Variants in KMT2C observed in about 807,000 individuals in gnomAD.
The protein encoded by KMT2C is histone-lysine N-methyltransferase 2C.
A neutral mutation model predicts 507.9 loss-of-function variants in KMT2C; 88 were observed. That is an observed-to-expected ratio of 0.17 (90% CI 0.15 to 0.21). KMT2C has a LOEUF of 0.21. Ranked by LOEUF, KMT2C falls within the 10% of genes least tolerant of loss-of-function variation. KMT2C has a pLI of 1.00. For missense variants in KMT2C, 4,954 were observed against 5,957.8 expected, an observed-to-expected ratio of 0.83 and a Z score of 5.55; for synonymous variants, 2,049 against 2,080.8, an observed-to-expected ratio of 0.98 and a Z score of 0.42.
chr7:152,335,412 G>A (rs1475071679), intron 2 of KMT2C, among the ~76,000 whole-genome samples: 2 of 152,142 alleles, frequency 1.3e-5, no homozygotes, highest in African/African-American at 4.8e-5. Context: ...ACAAACTTAA[G>A]GAGGAATAAG....
chr7:152,368,179 G>T, intron 1 of KMT2C: 1 of 902,404 alleles, frequency 1.1e-6, no homozygotes, highest in South Asian at 1.3e-5. Context: ...AGTTGAAAAT[G>T]GTGAACATTG....
At position 152,181,482 on chromosome 7, in the gene KMT2C, T is replaced by C; in HGVS notation, c.6378A>G (p.Thr2126=). The change falls in exon 36 of 59, where the codon ACA becomes ACG. Residue 2126 remains threonine (T), a synonymous_variant. Transcript: ENST00000262189. The part of the protein sequence containing the change: ...FSQPGTISRP[T]SQDPYSQPPG... ...GGGGTTGGGAGTATGGGTCCTGAGATGTTGGCCTTGATATGGTTCCAGGCT... is the reference window on the plus strand; with the variant it reads ...GGGGTTGGGAGTATGGGTCCTGAGACGTTGGCCTTGATATGGTTCCAGGCT... 5 of 1,613,996 alleles carry C rather than the reference T, an allele frequency of 3.1e-6. No homozygotes were observed. The highest frequency in any genetic ancestry group is 2.2e-5 in the East Asian group (1 of 44,868).
At chr7:152,277,419 T>G (rs2129179730) in intron 6 of KMT2C, among the ~76,000 whole-genome samples, 2 of 152,286 alleles carry the variant, frequency 1.3e-5, no homozygotes, top group Non-Finnish European at 2.9e-5. Flanking sequence ...TGGGAGGGAT[T>G]ATAATCACCA....
rs1372251821 is a variant in KMT2C at position 152,145,283 on chromosome 7, C to G, written c.14044G>C (p.Glu4682Gln). The change falls in exon 54 of 59, where the codon GAG becomes CAG. Residue 4682 changes from glutamate to glutamine, a missense_variant. By Grantham distance (29) the Glu-to-Gln change is conservative. Transcript: ENST00000262189. ...ARIAESLPGV[E>Q]ACENYTFRYG... ...CGGAAGGTATAATTTTCACATGCCT[C>G]AACCCCAGGAAGCTGAAAAGAAGCA... The G allele has an allele frequency of 6.2e-7, 1 of 1,613,980 alleles. No homozygotes were observed. Among genetic ancestry groups the G allele is most frequent in the Non-Finnish European group, 8.5e-7 (1 of 1,179,936 alleles).
intron 9 of KMT2C, among the ~76,000 whole-genome samples, chr7:152,259,017 G>A (rs1370721669): frequency 6.6e-6 from 1 of 152,138 alleles, no homozygotes; most frequent in East Asian, 1.9e-4. Flanking sequence ...GATACCCTGA[G>A]GATGGATCAG....
chr7:152,177,307 C>T lies in KMT2C; in HGVS notation c.8146G>A (p.Asp2716Asn), dbSNP rs1427533066. ...GVEVKDLDDEDLENLNLDTED... is the reference protein window; with the variant it reads ...GVEVKDLDDENLENLNLDTED... ...GTATCTAAATTTAAGTTTTCAAGAT[C>T]TTCATCATCTAAGTCTTTGACTTCA... Residue 2716 changes from aspartate to asparagine, a missense_variant, in exon 38 of 59, where the codon GAT (aspartate) becomes AAT (asparagine). Physicochemically the swap from Asp to Asn is conservative, Grantham distance 23. Coordinates refer to ENST00000262189, the MANE Select transcript of KMT2C (RefSeq NM_170606.3). 6.2e-7 allele frequency: 1 copy of T among 1,614,076 alleles called. No homozygotes were observed. Among genetic ancestry groups the T allele is most frequent in the Admixed American group, 1.7e-5 (1 of 60,024 alleles).
chr7:152,294,085 G>A (rs1022153326), intron 6 of KMT2C, among the ~76,000 whole-genome samples: 3 of 150,382 alleles, frequency 2.0e-5, no homozygotes, highest in African/African-American at 7.4e-5. Context: ...TGCCCAGGCT[G>A]GTCTCGAACT....
intron 6 of KMT2C, among the ~76,000 whole-genome samples, chr7:152,286,163 G>C (rs2096293388): frequency 6.6e-6 from 1 of 152,310 alleles, no homozygotes. Context: ...CAGACCCTCA[G>C]TAATCTACAA....
chr7:152,212,784 T>C (rs945913936), intron 23 of KMT2C, among the ~76,000 whole-genome samples: 1 of 152,262 alleles, frequency 6.6e-6, no homozygotes, highest in Non-Finnish European at 1.5e-5. Flanking sequence ...CTCACGCCTG[T>C]AATCCCAGCA....
chr7:152,340,940 G>T (rs1486303801), intron 2 of KMT2C, among the ~76,000 whole-genome samples: 1 of 152,024 alleles, frequency 6.6e-6, no homozygotes, highest in Non-Finnish European at 1.5e-5. Context: ...CTGTTCTCTA[G>T]GTGTTTTATT....
intron 48 of KMT2C, among the ~76,000 whole-genome samples, chr7:152,153,279 G>A (rs1279817124): frequency 6.6e-6 from 1 of 152,152 alleles, no homozygotes; most frequent in African/African-American, 2.4e-5. Flanking sequence ...CTTACTTCCA[G>A]GGGCTTCCCT....
intron 13 of KMT2C, among the ~76,000 whole-genome samples, 186 bp downstream of exon 13, chr7:152,249,690 A>C (rs1169842690): frequency 8.6e-5 from 13 of 151,168 alleles, no homozygotes; most frequent in African/African-American, 3.2e-4. Context: ...AAAAAAAAAA[A>C]AAAAAAAAAC....
At chr7:152,230,067 A>T in intron 17 of KMT2C, 40 bp from the exon 18 acceptor site, 1 of 1,107,266 alleles carries the variant, frequency 9.0e-7, no homozygotes, top group African/African-American at 1.6e-5. Flanking sequence ...AATGGAGACT[A>T]AGCTAAAAAC....
intron 6 of KMT2C, among the ~76,000 whole-genome samples, chr7:152,288,160 A>G (rs1286322485): frequency 6.6e-6 from 1 of 151,614 alleles, no homozygotes; most frequent in Non-Finnish European, 1.5e-5. Flanking sequence ...AAAATAAAAT[A>G]CAAACTAAGC....
At position 152,163,340 on chromosome 7, in the gene KMT2C, T is replaced by G. The variant is rs750067793; in HGVS notation, c.10237A>C (p.Ile3413Leu). 1 of 1,614,230 alleles carries G rather than the reference T, an allele frequency of 6.2e-7. No individual in the cohort carries two copies. Among genetic ancestry groups the G allele is most frequent in the South Asian group, 1.1e-5 (1 of 91,084 alleles). ...RLREQQERQRIQLMQEVDRQR... is the reference protein window; with the variant it reads ...RLREQQERQRLQLMQEVDRQR... ...CTATCTACCTCCTGCATGAGTTGGA[T>G]CCGTTGTCTCTCTTGCTGTTCTCGT... is the stretch of plus-strand genomic sequence containing the variant. Residue 3413 changes from isoleucine (I) to leucine (L), a missense_variant, in exon 43 of 59, where the codon ATC becomes CTC. Physicochemically the swap from Ile to Leu is conservative, Grantham distance 5. Around this residue, in one of 29 missense-constraint regions of KMT2C, gnomAD observed 801 missense variants for 751.2 expected, o/e 1.07. Coordinates refer to ENST00000262189, the MANE Select transcript of KMT2C (RefSeq NM_170606.3).
chr7:152,391,142 CAAAAAAAAAAAAAAA>C (rs1195125465), intron 1 of KMT2C, among the ~76,000 whole-genome samples: 4 of 34,766 alleles, frequency 1.2e-4, no homozygotes, highest in Non-Finnish European at 2.0e-4. Flanking sequence ...AGACTGTCTC[CAAAAAAAAAAAAAAA>C]AAAAAAAAAA....
intron 7 of KMT2C, among the ~76,000 whole-genome samples, chr7:152,272,611 T>A (rs1056568483): frequency 5.9e-5 from 9 of 152,192 alleles, no homozygotes; most frequent in African/African-American, 1.9e-4. Context: ...GTGTACAATC[T>A]AACGCATTTT....
intron 16 of KMT2C, among the ~76,000 whole-genome samples, chr7:152,234,933 CCA>C (rs1491184523): frequency 2.0e-5 from 3 of 151,876 alleles, no homozygotes; most frequent in African/African-American, 7.3e-5. Context: ...CATGGTGCAT[CCA>C]CAGTTTTATT....
At position 152,254,788 on chromosome 7, in the gene KMT2C, T is replaced by C. The variant is rs73728797; in HGVS notation, c.1300-2073A>G. Among the ~76,000 whole-genome samples, 1,408 of 152,150 alleles carry C rather than the reference T, an allele frequency of 9.3e-3. 31 individuals carry two copies. The highest frequency in any genetic ancestry group is 0.033 in the African/African-American group (1,357 of 41,498). The stretch of plus-strand genomic sequence containing the variant: ...GAAAAGAAGAAACAAAACTCTTAAT[T>C]TGTAAACAGAGTTGGAACATCCTAG... On this transcript the variant is annotated intron_variant, in intron 9 of 58. Transcript: ENST00000262189.
Sources: allele counts gnomAD v4.1 joint callset (sites outside exome capture counted in the v4.1 genomes callset), GRCh38; gene constraint gnomAD v4.1.1; regional missense constraint gnomAD v4.1.1; transcripts MANE v1.5; gene names NCBI Gene and HGNC (gene_info 2026-07-23, HGNC 2026-07-21).